The following LRP1B variants were observed in gnomAD, a reference collection of about 807,000 sequenced individuals.
The protein encoded by LRP1B is low-density lipoprotein receptor-related protein 1B.
Under a neutral mutation model 556.6 loss-of-function variants are expected in LRP1B, and 217 were observed. That is an observed-to-expected ratio of 0.39 (90% CI 0.35 to 0.44). The LOEUF (loss-of-function observed/expected upper bound fraction) is 0.44, where lower values mean the gene tolerates loss of function less well. Ranked by LOEUF, LRP1B falls within the 20% of genes least tolerant of loss-of-function variation. The probability of loss-of-function intolerance (pLI) is 1.00; values close to 1 mark genes in which losing one functional copy is unlikely to be tolerated. For synonymous variants in LRP1B, 2,047 were observed against 1,865.8 expected (o/e 1.10, Z -2.50); for missense variants, 5,053 against 5,620.8 (o/e 0.90, Z 3.23).
rs140811481 is a variant in LRP1B, at chr2:140,727,388, C to T, written c.5759-10572G>A. Among the ~76,000 whole-genome samples, 679 of 152,234 alleles carry T rather than the reference C, an allele frequency of 4.5e-3. 4 individuals are homozygous for T. Among genetic ancestry groups the T allele is most frequent in the African/African-American group, 0.014 (600 of 41,546 alleles). ...TCTTCCCTGAGGATCAATGTCTCCACACGTATATCACCCATTTTTGGCATA... is the reference window on the plus strand; with the variant it reads ...TCTTCCCTGAGGATCAATGTCTCCATACGTATATCACCCATTTTTGGCATA... On this transcript the variant is annotated intron_variant, in intron 35 of 90. Coordinates refer to ENST00000389484, the MANE Select transcript of LRP1B (RefSeq NM_018557.3).
intron 32 of LRP1B, among the ~76,000 whole-genome samples, chr2:140,778,102 A>T (rs1301584753): frequency 1.3e-5 from 2 of 152,178 alleles, no homozygotes; most frequent in African/African-American, 4.8e-5. Context: ...AGGACATGAC[A>T]TTTTAATATT....
chr2:141,856,475 C>T (rs902996815), intron 1 of LRP1B, among the ~76,000 whole-genome samples: 1 of 152,122 alleles, frequency 6.6e-6, no homozygotes, highest in African/African-American at 2.4e-5. Context: ...ACCTAGCAAC[C>T]ATCAAAGGGT....
chr2:141,517,383 C>A (rs1684364396), intron 2 of LRP1B, among the ~76,000 whole-genome samples: 2 of 151,612 alleles, frequency 1.3e-5, no homozygotes, highest in South Asian at 4.2e-4. Context: ...CCTGGTTTAA[C>A]CCCTCAGCCT....
rs188846123 is a variant in LRP1B, at chr2:141,564,072, A to G, written c.206-83539T>C. 1.5e-3 allele frequency among the ~76,000 whole-genome samples: 228 copies of G among 152,294 alleles called. 2 individuals carry two copies. Among genetic ancestry groups the G allele is most frequent in the African/African-American group, 5.3e-3 (220 of 41,574 alleles). ...AATTAAAAACTATACTGCAATTTAT[A>G]GGATTCAGGAAATAAAAGATATATT... On this transcript the variant is annotated intron_variant, in intron 2 of 90. Coordinates refer to ENST00000389484, the MANE Select transcript of LRP1B (RefSeq NM_018557.3).
Position 141,753,469 on chromosome 2 carries a change from A to C in LRP1B, c.205+56810T>G, listed in dbSNP as rs1317646055. Among the ~76,000 whole-genome samples, 9 of 151,648 alleles carry C rather than the reference A, an allele frequency of 5.9e-5. No individual in the cohort carries two copies. In the East Asian group the frequency reaches 1.7e-3, roughly 29 times the overall value. ...TAAATGCTCACGCTGTCCACTCCCG[A>C]GGGTGTGCGTATTAGACTTGGCTGG... On this transcript the variant is annotated intron_variant, in intron 2 of 90. Transcript: ENST00000389484.
intron 2 of LRP1B, among the ~76,000 whole-genome samples, chr2:141,744,429 C>T (rs1051579296): frequency 2.5e-4 from 38 of 151,976 alleles, no homozygotes; most frequent in African/African-American, 8.7e-4. Flanking sequence ...GAGAATGATC[C>T]ATGTGCTGAG....
At chr2:140,312,464 T>C (rs905253309) in intron 83 of LRP1B, among the ~76,000 whole-genome samples, 10 of 151,934 alleles carry the variant, frequency 6.6e-5, no homozygotes, top group African/African-American at 1.7e-4. Context: ...GAATATACTA[T>C]AGAGAATAAA....
At chr2:140,970,712 ACCTTTTTTTTTT>A (rs1696387074) in intron 18 of LRP1B, among the ~76,000 whole-genome samples, 1 of 126,408 alleles carries the variant, frequency 7.9e-6, no homozygotes, top group Non-Finnish European at 1.6e-5. Context: ...TAATTTTTTA[ACCTTTTTTTTTT>A]TTTTTTTTTT....
In LRP1B at chr2:140,771,033, T is replaced by G. The variant is rs370436589; in HGVS notation, c.5501-27A>C. On this transcript the variant is annotated intron_variant, in intron 33 of 90. Transcript: ENST00000389484. ...TGCATAGAATGAAAATGAAACAAATTTCTTTAATGAAATTTTTAAAAAATA... is the reference window on the plus strand; with the variant it reads ...TGCATAGAATGAAAATGAAACAAATGTCTTTAATGAAATTTTTAAAAAATA... 3.3e-6 allele frequency: 5 copies of G among 1,530,998 alleles called. No individual in the cohort carries two copies. The African/African-American group carries it at 7.1e-5, about 22-fold the overall frequency. 94.8% of individuals were successfully genotyped at this position (1,530,998 alleles called of 1,614,324 possible).
intron 62 of LRP1B, among the ~76,000 whole-genome samples, chr2:140,456,212 T>C (rs959100772): frequency 6.6e-6 from 1 of 152,220 alleles, no homozygotes; most frequent in African/African-American, 2.4e-5. Flanking sequence ...TCATTATTTA[T>C]GTGGATCTGT....
intron 20 of LRP1B, among the ~76,000 whole-genome samples, chr2:140,930,501 T>G (rs1286946982): frequency 6.6e-6 from 1 of 152,058 alleles, no homozygotes; most frequent in Non-Finnish European, 1.5e-5. Flanking sequence ...ATTGCAAAAA[T>G]CATACATATG....
intron 41 of LRP1B, among the ~76,000 whole-genome samples, chr2:140,618,890 G>C (rs1683350565): frequency 6.6e-6 from 1 of 152,100 alleles, no homozygotes; most frequent in South Asian, 2.1e-4. Context: ...TAATAATGTG[G>C]GTGGGGAAAT....
chr2:140,738,009 A>G (rs969832630), intron 35 of LRP1B, among the ~76,000 whole-genome samples: 7 of 152,162 alleles, frequency 4.6e-5, no homozygotes, highest in Non-Finnish European at 1.0e-4. Context: ...GTCTTTCTCA[A>G]TGATGCGCTG....
At chr2:140,632,799 A>G (rs951619883) in intron 41 of LRP1B, among the ~76,000 whole-genome samples, 1 of 152,194 alleles carries the variant, frequency 6.6e-6, no homozygotes, top group East Asian at 1.9e-4. Flanking sequence ...ATCGTGGCTC[A>G]TGCCTGTAAT....
intron 2 of LRP1B, among the ~76,000 whole-genome samples, chr2:141,579,803 C>T (rs1203493184): frequency 7.2e-6 from 1 of 139,628 alleles, no homozygotes; most frequent in Non-Finnish European, 1.5e-5. Flanking sequence ...GGGTTCATGC[C>T]ATTCTCCTGC....
intron 31 of LRP1B, among the ~76,000 whole-genome samples, chr2:140,838,222 C>T (rs1036507460): frequency 6.6e-6 from 1 of 152,114 alleles, no homozygotes; most frequent in Non-Finnish European, 1.5e-5. Flanking sequence ...TTCTATCATA[C>T]TCATTTTTCA....
rs1352992475 is a variant in LRP1B, at chr2:141,005,608, T to C, written c.2381-151A>G. ...AGATTTCTGTTGAATCATAACTAAA[T>C]TCAATAATGTTTGAAAATAGGTGGT... On this transcript the variant is annotated intron_variant, in intron 14 of 90. Coordinates refer to ENST00000389484, the MANE Select transcript of LRP1B (RefSeq NM_018557.3). 1.1e-5 allele frequency: 7 copies of C among 619,904 alleles called. No homozygotes were observed. The East Asian group carries it at 2.0e-4, about 18-fold the overall frequency. 38.4% of individuals were successfully genotyped at this position (619,904 alleles called of 1,614,324 possible).
chr2:141,225,936 C>CG (rs765589640), intron 6 of LRP1B, among the ~76,000 whole-genome samples: 4 of 152,080 alleles, frequency 2.6e-5, no homozygotes, highest in Non-Finnish European at 5.9e-5. Flanking sequence ...ACTTAGAGGG[C>CG]CTGTCTTTGT....
intron 1 of LRP1B, among the ~76,000 whole-genome samples, chr2:141,943,667 TC>T (rs1420292932): frequency 6.6e-6 from 1 of 151,904 alleles, no homozygotes; most frequent in Non-Finnish European, 1.5e-5. Context: ...TTAGAAAGTT[TC>T]TTGATCTATT....
Sources: allele counts gnomAD v4.1 joint callset (sites outside exome capture counted in the v4.1 genomes callset), GRCh38; gene constraint gnomAD v4.1.1; transcripts MANE v1.5; gene names NCBI Gene and HGNC (gene_info 2026-07-23, HGNC 2026-07-21).